Variants in ZSCAN18 observed in about 807,000 individuals in gnomAD.
ZSCAN18 encodes zinc finger and SCAN domain-containing protein 18.
A neutral mutation model predicts 31.1 loss-of-function variants in ZSCAN18; 16 were observed. The observed-to-expected ratio is 0.51, with a 90% CI of 0.35 to 0.78. The LOEUF is 0.78. Among genes scored for constraint, ZSCAN18 ranks in the 30% least tolerant of loss-of-function variants. The pLI is 0.01. For synonymous variants in ZSCAN18, 375 were observed against 320.7 expected (o/e 1.17, Z -1.81); for missense variants, 731 against 697.4 (o/e 1.05, Z -0.54).
chr19:58,094,838 A>T (rs941318702), intron 1 of ZSCAN18, among the ~76,000 whole-genome samples: 3 of 139,640 alleles, frequency 2.1e-5, no homozygotes, highest in African/African-American at 7.9e-5. Flanking sequence ...TGATCACAAC[A>T]CCACATTGCA....
intron 1 of ZSCAN18, among the ~76,000 whole-genome samples, chr19:58,112,642 C>CTT (rs147550064): frequency 9.9e-5 from 1 of 10,096 alleles, no homozygotes; most frequent in Non-Finnish European, 6.0e-4. Context: ...CAGAGCAAGA[C>CTT]TGTCTCAAAA....
rs961272890 is a variant in ZSCAN18, at chr19:58,112,892, A to C, written c.130+5375T>G. ...CTTGAACCTGGGAGGCAGAAGGTGC[A>C]GTGAACCAAAATCACACCACTGCAC... On this transcript the variant is annotated intron_variant, in intron 1 of 1. Transcript: ENST00000595721. Among the ~76,000 whole-genome samples the C allele has an allele frequency of 1.3e-4, 18 of 136,574 alleles. No homozygotes were observed. The East Asian group carries it at 3.8e-3, about 29-fold the overall frequency. 89.6% of individuals were successfully genotyped at this position (136,574 alleles called of 152,430 possible). A position where few individuals can be genotyped will look rare whatever the true frequency, so the allele number is the denominator to read the frequency against.
chr19:58,098,035 A>G, intron 1 of ZSCAN18, 139 bp downstream of exon 1: 1 of 985,436 alleles, frequency 1.0e-6, no homozygotes, highest in African/African-American at 1.7e-5. Context: ...GGCCTCCTGG[A>G]CGCACAGCGG....
In ZSCAN18 at chr19:58,084,392, T is replaced by A. The variant is rs1402866741; in HGVS notation, c.*293A>T. The A allele has an allele frequency of 2.7e-6, 1 of 367,680 alleles. No individual in the cohort carries two copies. Among genetic ancestry groups the A allele is most frequent in the Non-Finnish European group, 4.9e-6 (1 of 205,938 alleles). The allele number at this position is 367,680 out of a possible 1,614,324, so 22.8% of individuals were successfully genotyped here. A position where few individuals can be genotyped will look rare whatever the true frequency, so the allele number is the denominator to read the frequency against. The stretch of plus-strand genomic sequence containing the variant: ...CAACTCTACACTGCACAATGTCAAA[T>A]AACCTAGCATGGGGCGGCACTAAAT... On this transcript the variant is annotated 3_prime_UTR_variant, in exon 7 of 7. Coordinates refer to ENST00000601144, the MANE Select transcript of ZSCAN18 (RefSeq NM_001145543.2). The surrounding 1 kb of genome is among the most constrained non-coding windows in gnomAD (Gnocchi z 4.5).
chr19:58,118,307 G>A (rs936756249), exon 1 of ZSCAN18: 2 of 1,523,140 alleles, frequency 1.3e-6, no homozygotes, highest in African/African-American at 1.4e-5. Flanking sequence ...GGCGGGAACG[G>A]AGGAAACAGA....
chr19:58,089,218 G>C (rs1301680846), intron 2 of ZSCAN18, among the ~76,000 whole-genome samples: 4 of 142,708 alleles, frequency 2.8e-5, no homozygotes, highest in Admixed American at 2.2e-4. Flanking sequence ...CAGGAGAATG[G>C]CGTGAACCCG....
Position 58,098,166 on chromosome 19 carries a change from C to CG in ZSCAN18, c.-120+7dup, listed in dbSNP as rs1486029661. ...GACCCCCGCGCTGCATCCCCGGGAC[C>CG]GACCCACCTGCTGCGCAGCTACCCC... is the stretch of plus-strand genomic sequence containing the variant. On this transcript the variant is annotated splice_region_variant and intron_variant, in intron 1 of 6. Transcript: ENST00000601144. 1.0e-6 allele frequency: 1 copy of CG among 985,458 alleles called. No individual in the cohort carries two copies. The highest frequency in any genetic ancestry group is 1.2e-6 in the Non-Finnish European group (1 of 830,058). The allele number at this position is 985,458 out of a possible 1,614,324, so 61.0% of individuals were successfully genotyped here.
upstream of ZSCAN18, among the ~76,000 whole-genome samples, chr19:58,101,916 TA>T (rs2074597648): frequency 6.6e-6 from 1 of 152,012 alleles, no homozygotes; most frequent in Admixed American, 6.6e-5. Context: ...TAATTTCACA[TA>T]ACTTTTTTCT....
rs1013348446 is a variant in ZSCAN18, at chr19:58,084,663, C to T, written c.*22G>A. 10 of 1,455,730 alleles carry T rather than the reference C, an allele frequency of 6.9e-6. No homozygotes were observed. The highest frequency in any genetic ancestry group is 9.0e-6 in the Non-Finnish European group (10 of 1,111,522). 90.2% of individuals were successfully genotyped at this position (1,455,730 alleles called of 1,614,324 possible). ...TTCACGGCCGGCAAAGCGGCCCCTC[C>T]GGAACGGGACAGCACAGCGGCTCAC... On this transcript the variant is annotated 3_prime_UTR_variant, in exon 7 of 7. Transcript: ENST00000601144. This position sits in a 1 kb window ranked among gnomAD's most constrained non-coding sequence, Gnocchi z 4.5.
In ZSCAN18 at chr19:58,084,871, G is replaced by A. The variant is rs147255500; in HGVS notation, c.1347C>T (p.Thr449=). The A allele has an allele frequency of 4.1e-5, 66 of 1,600,256 alleles. No individual in the cohort carries two copies. The African/African-American group carries it at 8.0e-4, about 19-fold the overall frequency. The change falls in exon 7 of 7, where the codon ACC becomes ACT. Residue 449 remains threonine (T), a synonymous_variant. Coordinates refer to ENST00000601144, the MANE Select transcript of ZSCAN18 (RefSeq NM_001145543.2). This position sits in a 1 kb window ranked among gnomAD's most constrained non-coding sequence, Gnocchi z 4.5. ...KRYACQGCWK[T]FHFSLALAEH... is the part of the protein sequence containing the mutation. ...CGGCTAGGGCCAGGCTGAAGTGGAA[G>A]GTCTTCCAGCAGCCCTGACAGGCGT...
chr19:58,100,629 G>C (rs58899074), upstream of ZSCAN18, among the ~76,000 whole-genome samples: 85,117 of 151,740 alleles, frequency 0.56, 25,816 homozygotes, highest in Non-Finnish European at 0.68. Flanking sequence ...AAATGTAAGG[G>C]CCAGGCGCGG....
Position 58,090,308 on chromosome 19 carries a change from G to C in ZSCAN18, c.-41C>G. 6.2e-7 allele frequency: 1 copy of C among 1,613,190 alleles called. No individual in the cohort carries two copies. Among genetic ancestry groups the C allele is most frequent in the East Asian group, 2.2e-5 (1 of 44,864 alleles). The stretch of plus-strand genomic sequence containing the variant: ...CTGGAAAATGTGACTGTCTAGCCAG[G>C]GACAAGGTGGCTCCAAAGGAGAGGT... On this transcript the variant is annotated 5_prime_UTR_variant, in exon 2 of 7. Coordinates refer to ENST00000601144, the MANE Select transcript of ZSCAN18 (RefSeq NM_001145543.2). The surrounding 1 kb of genome is among the most constrained non-coding windows in gnomAD (Gnocchi z 4.7).
intron 1 of ZSCAN18, among the ~76,000 whole-genome samples, chr19:58,096,643 G>A (rs916403376): frequency 2.6e-5 from 4 of 152,116 alleles, no homozygotes; most frequent in Admixed American, 2.6e-4. Context: ...AATATTCATC[G>A]CAGCTCTCCA....
intron 1 of ZSCAN18, among the ~76,000 whole-genome samples, chr19:58,118,097 G>A (rs1466590382): frequency 6.6e-6 from 1 of 152,084 alleles, no homozygotes; most frequent in Non-Finnish European, 1.5e-5. Flanking sequence ...CACGCGGGAC[G>A]GTCCGCGCCT....
intron 4 of ZSCAN18, 103 bp from the exon 5 acceptor site, chr19:58,087,111 A>G: frequency 9.1e-7 from 1 of 1,097,454 alleles, no homozygotes. Flanking sequence ...AGCCCTGGCC[A>G]GGGACTCTAA....
chr19:58,103,669 G>A (rs1257419196), intron 1 of ZSCAN18, among the ~76,000 whole-genome samples: 1 of 152,116 alleles, frequency 6.6e-6, no homozygotes, highest in South Asian at 2.1e-4. Context: ...TATTCCCTGA[G>A]ACAAAACAAT....
upstream of ZSCAN18, among the ~76,000 whole-genome samples, chr19:58,100,369 G>A (rs111377001): frequency 8.5e-5 from 13 of 152,120 alleles, no homozygotes; most frequent in African/African-American, 3.1e-4. Context: ...GTCTGGGTGA[G>A]CCATCCTCCC....
intron 1 of ZSCAN18, among the ~76,000 whole-genome samples, chr19:58,117,742 G>A (rs1299929030): frequency 6.7e-6 from 1 of 149,714 alleles, no homozygotes; most frequent in East Asian, 2.0e-4. Context: ...AGAGAATATT[G>A]GGGAGGCTGA....
rs1272429634 is a variant in ZSCAN18 at position 58,090,797 on chromosome 19, C to T, written c.-119-411G>A. The stretch of plus-strand genomic sequence containing the variant: ...TGGAGATGGGGTTTCACCATGTTGG[C>T]CAGGCTGGTCTCAAACTCCTGACCT... On this transcript the variant is annotated intron_variant, in intron 1 of 6. Transcript: ENST00000601144. The surrounding 1 kb of genome is among the most constrained non-coding windows in gnomAD (Gnocchi z 4.7). Among the ~76,000 whole-genome samples the T allele has an allele frequency of 6.6e-6, 1 of 151,436 alleles. No individual in the cohort carries two copies. Among genetic ancestry groups the T allele is most frequent in the Non-Finnish European group, 1.5e-5 (1 of 67,844 alleles).
Sources: gnomAD v4.1 joint callset for allele counts (sites outside exome capture counted in the v4.1 genomes callset) on GRCh38, gnomAD v4.1.1 for gene constraint, Gnocchi (gnomAD v3.1) non-coding constraint, MANE v1.5 for transcripts, NCBI Gene and HGNC (gene_info 2026-07-23, HGNC 2026-07-21) for gene names.